Variants in FBP2 observed in about 807,000 individuals in gnomAD.
FBP2 encodes fructose-1,6-bisphosphatase isozyme 2.
In FBP2, 27 loss-of-function variants were observed where a neutral mutation model predicts 31.6. The ratio of observed to expected loss-of-function variants is 0.85; its 90% CI spans 0.63 to 1.18. FBP2 has a LOEUF of 1.18. Among genes scored for constraint, FBP2 ranks in the 50% most tolerant of loss-of-function variants. FBP2 has a pLI of 0.00. For synonymous variants in FBP2, 168 were observed against 179.8 expected (o/e 0.93, Z 0.53); for missense variants, 421 against 436.1 (o/e 0.97, Z 0.31).
chr9:94,561,273 C>T (rs762546566), intron 6 of FBP2, among the ~76,000 whole-genome samples: 5 of 151,084 alleles, frequency 3.3e-5, no homozygotes, highest in Non-Finnish European at 7.4e-5. Context: ...TCAGATGCCC[C>T]TGTTGTAGGA....
At chr9:94,569,090 T>C (rs1371932968) in intron 4 of FBP2, 2 of 152,302 alleles carry the variant, frequency 1.3e-5, no homozygotes, top group Non-Finnish European at 2.9e-5. Flanking sequence ...CCAGCGCTGA[T>C]TTCTACTTCT....
At chr9:94,592,396 AAAT>A (rs1479531470) in intron 1 of FBP2, among the ~76,000 whole-genome samples, 1 of 152,196 alleles carries the variant, frequency 6.6e-6, no homozygotes, top group Non-Finnish European at 1.5e-5. Flanking sequence ...TGCTCAGAGT[AAAT>A]ATTTTAAATG....
intron 2 of FBP2, chr9:94,586,602 A>C (rs1014796073): frequency 2.0e-5 from 3 of 152,230 alleles, no homozygotes; most frequent in Non-Finnish European, 2.9e-5. Context: ...CCTGGCATAG[A>C]GCAGAGGTTA....
At chr9:94,565,494 AT>A (rs1827172684) in intron 5 of FBP2, among the ~76,000 whole-genome samples, 1 of 152,278 alleles carries the variant, frequency 6.6e-6, no homozygotes, top group Middle Eastern at 3.4e-3. Context: ...CAGGAACACA[AT>A]TTTTATATTT....
chr9:94,590,030 C>T (rs1017185377), intron 1 of FBP2, among the ~76,000 whole-genome samples: 5 of 152,104 alleles, frequency 3.3e-5, no homozygotes, highest in African/African-American at 7.2e-5. Flanking sequence ...CTCTGTCCTG[C>T]GCTTTGCAAA....
At chr9:94,559,895 A>C (rs1827069259) in intron 6 of FBP2, among the ~76,000 whole-genome samples, 2 of 152,148 alleles carry the variant, frequency 1.3e-5, no homozygotes, top group African/African-American at 2.4e-5. Flanking sequence ...TGGGAGGCCG[A>C]GGCAAAAGGA....
intron 3 of FBP2, chr9:94,573,069 C>G (rs1452164622): frequency 6.6e-6 from 1 of 152,156 alleles, no homozygotes; most frequent in African/African-American, 2.4e-5. Context: ...TCATCATCTT[C>G]CTTGCCTTAT....
At chr9:94,587,270 T>C in intron 2 of FBP2, 37 bp downstream of exon 2, 5 of 1,565,130 alleles carry the variant, frequency 3.2e-6, no homozygotes, top group Non-Finnish European at 4.3e-6. Context: ...AGTATCATCA[T>C]CTACTGGCGA....
rs1028032862 is a variant in FBP2, at chr9:94,561,423, C to T, written c.825+1919G>A. On this transcript the variant is annotated intron_variant, in intron 6 of 6. Transcript: ENST00000375337. ...TGTCACCCAGGCTGGAGTGCAGTGG[C>T]GCGATCTCGGCTCACTGCAAGCTCC... 7.8e-5 allele frequency among the ~76,000 whole-genome samples: 10 copies of T among 127,618 alleles called. No individual in the cohort carries two copies. In the East Asian group the frequency reaches 1.2e-3, roughly 15 times the overall value. The allele number at this position is 127,618 out of a possible 152,430, so 83.7% of individuals were successfully genotyped here. A position where few individuals can be genotyped will look rare whatever the true frequency, so the allele number is the denominator to read the frequency against.
chr9:94,581,677 G>A lies in FBP2; in HGVS notation c.426+2900C>T, dbSNP rs10993253. Among the ~76,000 whole-genome samples, 1,351 of 152,274 alleles carry A rather than the reference G, an allele frequency of 8.9e-3. 26 individuals are homozygous for A. Among genetic ancestry groups the A allele is most frequent in the African/African-American group, 0.03 (1,249 of 41,554 alleles). On this transcript the variant is annotated intron_variant, in intron 3 of 6. Transcript: ENST00000375337. ...GCCCCCGGAATACCTTGACAAAAAA[G>A]GGAGAATATAAACTAAAATAAAATC...
rs1220061581 is a variant in FBP2, at chr9:94,565,296, A to G, written c.706-1835T>C. Among the ~76,000 whole-genome samples, 3 of 147,226 alleles carry G rather than the reference A, an allele frequency of 2.0e-5. No individual in the cohort carries two copies. The East Asian group carries it at 5.9e-4, about 29-fold the overall frequency. ...AGGCTGAGGCAGGAGAATCGCTTGA[A>G]CCAGGGAGGCGGAGGTTGCAGTGAG... On this transcript the variant is annotated intron_variant, in intron 5 of 6. Transcript: ENST00000375337.
chr9:94,564,534 A>G (rs549460403), intron 5 of FBP2, among the ~76,000 whole-genome samples: 18 of 152,304 alleles, frequency 1.2e-4, no homozygotes, highest in African/African-American at 4.3e-4. Context: ...TGAAGGCCTA[A>G]TTATCTTAAG....
intron 6 of FBP2, 158 bp from the exon 7 acceptor site, chr9:94,559,290 C>T: frequency 1.6e-6 from 1 of 643,250 alleles, no homozygotes; most frequent in South Asian, 2.1e-5. Flanking sequence ...GCTTTAGAGC[C>T]TACAGCAGGC....
At chr9:94,588,812 C>A (rs945668700) in intron 1 of FBP2, among the ~76,000 whole-genome samples, 1 of 152,138 alleles carries the variant, frequency 6.6e-6, no homozygotes, top group Non-Finnish European at 1.5e-5. Flanking sequence ...GGAATCTCTG[C>A]GCCCGGGTTG....
chr9:94,567,735 C>T (rs1326343456), intron 4 of FBP2: 1 of 259,794 alleles, frequency 3.8e-6, no homozygotes, highest in Non-Finnish European at 7.4e-6. Flanking sequence ...TGTGTATCTC[C>T]CAAGTTCTCA....
At chr9:94,572,557 C>G (rs1043966252) in intron 3 of FBP2, among the ~76,000 whole-genome samples, 1 of 152,148 alleles carries the variant, frequency 6.6e-6, no homozygotes, top group African/African-American at 2.4e-5. Flanking sequence ...TCTGAAGCTC[C>G]CAACACATTT....
intron 6 of FBP2, among the ~76,000 whole-genome samples, chr9:94,559,924 T>C (rs112495519): frequency 0.063 from 9,627 of 152,078 alleles, 419 homozygotes; most frequent in South Asian, 0.16. Flanking sequence ...GTCCAGGCAT[T>C]TGAGACCCCA....
chr9:94,590,204 C>A (rs547574266), intron 1 of FBP2, among the ~76,000 whole-genome samples: 1 of 152,244 alleles, frequency 6.6e-6, no homozygotes, highest in African/African-American at 2.4e-5. Flanking sequence ...GCTCTCTAGC[C>A]CGTAGGACAG....
chr9:94,569,196 G>A (rs1223351251), intron 4 of FBP2: 1 of 152,246 alleles, frequency 6.6e-6, no homozygotes, highest in Non-Finnish European at 1.5e-5. Flanking sequence ...ACCTTAGCTT[G>A]AAAATGAGAT....
Sources: allele counts gnomAD v4.1 joint callset (sites outside exome capture counted in the v4.1 genomes callset), GRCh38; gene constraint gnomAD v4.1.1; transcripts MANE v1.5; gene names NCBI Gene and HGNC (gene_info 2026-07-23, HGNC 2026-07-21).